Variants in SRPK1 observed in about 807,000 individuals in gnomAD.
SRPK1 encodes the protein SRSF protein kinase 1, also known as SFRS protein kinase 1.
A neutral mutation model predicts 89.5 loss-of-function variants in SRPK1; 52 were observed. The observed-to-expected ratio is 0.58, with a 90% CI of 0.46 to 0.73. SRPK1 has a LOEUF of 0.73. SRPK1 is among the 30% of genes least tolerant of loss of function. SRPK1 has a pLI of 0.00. For synonymous variants in SRPK1, 255 were observed against 270.2 expected (o/e 0.94, Z 0.55); for missense variants, 603 against 780.6 (o/e 0.77, Z 2.71).
In SRPK1 at chr6:35,835,382, TA is replaced by T; in HGVS notation, c.1889del (p.Leu630TyrfsTer7). 1 of 1,613,702 alleles carries T rather than the reference TA, an allele frequency of 6.2e-7. No homozygotes were observed. The highest frequency in any genetic ancestry group is 8.5e-7 in the Non-Finnish European group (1 of 1,179,798). On this transcript the variant is annotated frameshift_variant, in exon 16 of 16. Transcript: ENST00000373825. LOFTEE classifies it high-confidence loss of function. ...QEEAAGFTDF[L>X]LPMLELIPEK... ...CAGGGATCAGCTCCAACATGGGCAG[TA>T]AGAAATCTGTGAAGCCAGCTGCCTC...
At chr6:35,867,139 T>A (rs1769922630) in intron 12 of SRPK1, among the ~76,000 whole-genome samples, 3 of 152,148 alleles carry the variant, frequency 2.0e-5, no homozygotes, top group African/African-American at 7.2e-5. Flanking sequence ...ACTGCACTTA[T>A]ACCTCATGAA....
Position 35,872,740 on chromosome 6 carries a change from T to TA in SRPK1, c.586-13dup. ...AGACCCTGTAACACCTGAATGGAAA[T>TA]AGAGTGGCAGACTTGCAAACACAAA... is the stretch of plus-strand genomic sequence containing the variant. On this transcript the variant is annotated splice_polypyrimidine_tract_variant and intron_variant, in intron 7 of 15. Coordinates refer to ENST00000373825, the MANE Select transcript of SRPK1 (RefSeq NM_003137.5). 1 of 1,584,744 alleles carries TA rather than the reference T, an allele frequency of 6.3e-7. No individual in the cohort carries two copies.
chr6:35,875,135 A>C (rs1253685875), intron 6 of SRPK1, among the ~76,000 whole-genome samples: 1 of 152,224 alleles, frequency 6.6e-6, no homozygotes, highest in Admixed American at 6.5e-5. Flanking sequence ...GCCAAATCCA[A>C]GGTAGGAAAA....
At chr6:35,880,746 A>AAAAAAAG (rs1770263877) in intron 6 of SRPK1, among the ~76,000 whole-genome samples, 1 of 89,204 alleles carries the variant, frequency 1.1e-5, no homozygotes, top group Non-Finnish European at 2.2e-5. Flanking sequence ...AAAAAAAAAA[A>AAAAAAAG]AAAAGAAAAG....
chr6:35,884,217 T>C (rs1250614466), intron 6 of SRPK1, among the ~76,000 whole-genome samples: 1 of 152,148 alleles, frequency 6.6e-6, no homozygotes, highest in South Asian at 2.1e-4. Context: ...TAGGAGGTCA[T>C]ATAAGCAGAC....
chr6:35,913,808 A>AAG (rs1771027917), intron 2 of SRPK1, among the ~76,000 whole-genome samples: 1 of 151,554 alleles, frequency 6.6e-6, no homozygotes, highest in Admixed American at 6.6e-5. Flanking sequence ...AAAAAAAGAA[A>AAG]AAAAAATAAA....
At chr6:35,864,644 T>G (rs1769855673) in intron 12 of SRPK1, among the ~76,000 whole-genome samples, 2 of 152,152 alleles carry the variant, frequency 1.3e-5, no homozygotes, top group African/African-American at 4.8e-5. Context: ...TGGAGGTCCC[T>G]CAGAAAACTA....
chr6:35,906,780 C>A (rs1770855693), intron 2 of SRPK1, among the ~76,000 whole-genome samples: 1 of 152,032 alleles, frequency 6.6e-6, no homozygotes, highest in Admixed American at 6.6e-5. Flanking sequence ...CTAAAAACCA[C>A]TGAATTGCAC....
At chr6:35,906,977 T>C (rs1561995948) in intron 2 of SRPK1, among the ~76,000 whole-genome samples, 1 of 152,214 alleles carries the variant, frequency 6.6e-6, no homozygotes, top group Non-Finnish European at 1.5e-5. Flanking sequence ...AAAGTTTCTC[T>C]TTATAGAAGT....
At chr6:35,878,193 C>T (rs1770196806) in intron 6 of SRPK1, among the ~76,000 whole-genome samples, 1 of 152,140 alleles carries the variant, frequency 6.6e-6, no homozygotes, top group Non-Finnish European at 1.5e-5. Context: ...TGCTTAGATT[C>T]TGGATGTCAT....
At chr6:35,852,004 T>C (rs1769566830) in intron 13 of SRPK1, among the ~76,000 whole-genome samples, 1 of 152,230 alleles carries the variant, frequency 6.6e-6, no homozygotes, top group Non-Finnish European at 1.5e-5. Flanking sequence ...GTACAAGCTA[T>C]GAATGAGACT....
intron 13 of SRPK1, among the ~76,000 whole-genome samples, chr6:35,856,234 G>A (rs1387214999): frequency 6.6e-6 from 1 of 152,098 alleles, no homozygotes; most frequent in African/African-American, 2.4e-5. Context: ...AGCATCCCTC[G>A]GTGGTGACAC....
At chr6:35,842,897 CCTT>C in intron 13 of SRPK1, among the ~76,000 whole-genome samples, 2 of 152,192 alleles carry the variant, frequency 1.3e-5, no homozygotes, top group South Asian at 4.1e-4. Flanking sequence ...CCTGAGTTTC[CCTT>C]TTTTGGCCGG....
intron 6 of SRPK1, among the ~76,000 whole-genome samples, chr6:35,878,034 A>G (rs1770193929): frequency 6.6e-6 from 1 of 152,232 alleles, no homozygotes; most frequent in African/African-American, 2.4e-5. Flanking sequence ...AAACAAATCC[A>G]CACATCCACA....
chr6:35,872,500 G>C, intron 8 of SRPK1, 63 bp downstream of exon 8: 1 of 1,431,982 alleles, frequency 7.0e-7, no homozygotes, highest in Non-Finnish European at 9.2e-7. Flanking sequence ...CCTGGTAACA[G>C]AATAAAAATA....
chr6:35,852,092 G>A (rs1201811054), intron 13 of SRPK1, among the ~76,000 whole-genome samples: 1 of 152,082 alleles, frequency 6.6e-6, no homozygotes, highest in Non-Finnish European at 1.5e-5. Context: ...TATTCAATGG[G>A]GTTACAATGA....
chr6:35,847,770 T>A (rs904907435), intron 13 of SRPK1, among the ~76,000 whole-genome samples: 6 of 151,982 alleles, frequency 3.9e-5, no homozygotes, highest in African/African-American at 1.4e-4. Context: ...ATAAAAGAAA[T>A]TGAAGACACA....
chr6:35,881,866 G>T (rs1770298018), intron 6 of SRPK1, among the ~76,000 whole-genome samples: 1 of 151,964 alleles, frequency 6.6e-6, no homozygotes, highest in Admixed American at 6.6e-5. Flanking sequence ...GATAAGCAAG[G>T]CAATAGAGGA....
chr6:35,903,609 T>G (rs1770791564), intron 2 of SRPK1, among the ~76,000 whole-genome samples: 1 of 152,164 alleles, frequency 6.6e-6, no homozygotes, highest in Admixed American at 6.5e-5. Context: ...ATTTTAGAAT[T>G]TGAGTAAATT....
Sources: allele counts gnomAD v4.1 joint callset (sites outside exome capture counted in the v4.1 genomes callset), GRCh38; gene constraint gnomAD v4.1.1; transcripts MANE v1.5; gene names NCBI Gene and HGNC (gene_info 2026-07-23, HGNC 2026-07-21).